HMGCLL1: variants seen among roughly 807,000 people sequenced by gnomAD.
HMGCLL1 encodes 3-hydroxymethyl-3-methylglutaryl-CoA lyase, cytoplasmic.
Under a neutral mutation model 39.1 loss-of-function variants are expected in HMGCLL1, and 36 were observed. The observed-to-expected ratio is 0.92, with a 90% confidence interval of 0.71 to 1.22. The LOEUF is 1.22. Ranked by LOEUF, HMGCLL1 falls within the 50% of genes most tolerant of loss-of-function variation. The pLI is 0.00. For missense variants in HMGCLL1, 451 were observed against 416.5 expected (o/e 1.08, Z -0.72); for synonymous variants, 149 against 144.0 (o/e 1.03, Z -0.25).
intron 7 of HMGCLL1, among the ~76,000 whole-genome samples, chr6:55,445,346 T>A (rs1202026194): frequency 6.6e-6 from 1 of 152,020 alleles, no homozygotes; most frequent in Non-Finnish European, 1.5e-5. Context: ...CTATGTATGT[T>A]TTCTTCACAT....
chr6:55,669,253 A>G, the HMGCLL1 span, among the ~76,000 whole-genome samples: 1 of 151,900 alleles, frequency 6.6e-6, no homozygotes, highest in Non-Finnish European at 1.5e-5. Context: ...TCCCACATGG[A>G]ACAGTGAATG....
intron 7 of HMGCLL1, among the ~76,000 whole-genome samples, chr6:55,449,527 C>T (rs1011566733): frequency 2.6e-5 from 4 of 152,122 alleles, no homozygotes; most frequent in East Asian, 1.9e-4. Flanking sequence ...TTATTCATTT[C>T]GAAGTGTGTT....
the HMGCLL1 span, among the ~76,000 whole-genome samples, chr6:55,594,832 G>A: frequency 6.6e-6 from 1 of 152,118 alleles, no homozygotes; most frequent in Admixed American, 6.6e-5. Context: ...TAGTCAGAGG[G>A]AAATACTTAA....
intron 7 of HMGCLL1, among the ~76,000 whole-genome samples, chr6:55,485,769 C>T (rs772604753): frequency 6.6e-6 from 1 of 151,738 alleles, no homozygotes. Context: ...AGTTGGCATA[C>T]ATTTTATATT....
rs181575729 is a variant in HMGCLL1 at position 55,553,399 on chromosome 6, C to T, written c.109-11259G>A. 1.3e-4 allele frequency among the ~76,000 whole-genome samples: 19 copies of T among 151,248 alleles called. No homozygotes were observed. In the East Asian group the frequency reaches 3.4e-3, roughly 27 times the overall value. On this transcript the variant is annotated intron_variant, in intron 1 of 8. Transcript: ENST00000274901. ...GTTGTGGTGAATCGAAATCAGGCCA[C>T]CAAACTCCAGCCTGGGTGACAGAAG...
At chr6:55,493,623 C>T (rs1267736668) in intron 7 of HMGCLL1, among the ~76,000 whole-genome samples, 1 of 152,132 alleles carries the variant, frequency 6.6e-6, no homozygotes, top group East Asian at 1.9e-4. Context: ...TTTGCTCAAA[C>T]GATGTTTCAT....
intron 3 of HMGCLL1, among the ~76,000 whole-genome samples, chr6:55,527,628 A>G (rs559907317): frequency 6.6e-6 from 1 of 152,202 alleles, no homozygotes; most frequent in East Asian, 1.9e-4. Context: ...ATAACAGATG[A>G]TGACACTGAT....
intron 8 of HMGCLL1, among the ~76,000 whole-genome samples, chr6:55,436,401 G>C (rs1763374773): frequency 6.6e-6 from 1 of 151,994 alleles, no homozygotes; most frequent in East Asian, 1.9e-4. Context: ...AAAAGCTCAG[G>C]TAAATCCATG....
the HMGCLL1 span, among the ~76,000 whole-genome samples, chr6:55,663,444 CAA>C: frequency 2.6e-5 from 4 of 151,852 alleles, no homozygotes; most frequent in Admixed American, 2.0e-4. Context: ...ATTATTTACC[CAA>C]AAGTCAATCA....
upstream of HMGCLL1, among the ~76,000 whole-genome samples, chr6:55,583,994 G>T (rs1032195644): frequency 6.6e-6 from 1 of 151,944 alleles, no homozygotes; most frequent in Non-Finnish European, 1.5e-5. Context: ...GAGACCAATG[G>T]TTCATGTTCA....
the HMGCLL1 span, among the ~76,000 whole-genome samples, chr6:55,674,616 T>C: frequency 6.6e-6 from 1 of 152,076 alleles, no homozygotes; most frequent in African/African-American, 2.4e-5. Flanking sequence ...TTGCTGAAAT[T>C]TCTGTCTTTA....
chr6:55,626,725 G>A, the HMGCLL1 span, among the ~76,000 whole-genome samples: 1 of 151,952 alleles, frequency 6.6e-6, no homozygotes, highest in Non-Finnish European at 1.5e-5. Flanking sequence ...ATTGCCATGA[G>A]GAGACACAAC....
At chr6:55,573,003 G>A (rs1250168838) in intron 1 of HMGCLL1, among the ~76,000 whole-genome samples, 1 of 152,166 alleles carries the variant, frequency 6.6e-6, no homozygotes, top group Non-Finnish European at 1.5e-5. Flanking sequence ...AAAACCATCA[G>A]ATCTTCCAGG....
the HMGCLL1 span, among the ~76,000 whole-genome samples, chr6:55,653,278 C>A: frequency 6.6e-6 from 1 of 151,968 alleles, no homozygotes; most frequent in Admixed American, 6.6e-5. Flanking sequence ...ATCCAGTAAT[C>A]TTCCTGTGAG....
intron 3 of HMGCLL1, among the ~76,000 whole-genome samples, chr6:55,526,571 T>C (rs530725473): frequency 6.6e-6 from 1 of 152,168 alleles, no homozygotes; most frequent in Admixed American, 6.6e-5. Context: ...TAGCCCTTTA[T>C]TCTAATTCGA....
At chr6:55,562,057 T>C (rs567930723) in intron 1 of HMGCLL1, among the ~76,000 whole-genome samples, 97 of 152,182 alleles carry the variant, frequency 6.4e-4, no homozygotes, top group African/African-American at 2.2e-3. Flanking sequence ...AAAGGAATAG[T>C]TAACAAACAG....
chr6:55,671,180 G>A, the HMGCLL1 span, among the ~76,000 whole-genome samples: 1 of 151,774 alleles, frequency 6.6e-6, no homozygotes, highest in East Asian at 1.9e-4. Context: ...TGAATAGGAT[G>A]AAATACCACT....
At chr6:55,638,394 C>T in the HMGCLL1 span, among the ~76,000 whole-genome samples, 8 of 121,394 alleles carry the variant, frequency 6.6e-5, no homozygotes, top group South Asian at 1.2e-3. Flanking sequence ...GCAACAAGAG[C>T]GAAACTCAGT....
At chr6:55,604,969 A>G in the HMGCLL1 span, among the ~76,000 whole-genome samples, 5 of 152,240 alleles carry the variant, frequency 3.3e-5, no homozygotes, top group African/African-American at 4.8e-5. Context: ...TGTAGTTTAC[A>G]TTATTTTATT....
Sources: allele counts gnomAD v4.1 joint callset (sites outside exome capture counted in the v4.1 genomes callset), GRCh38; gene constraint gnomAD v4.1.1; transcripts MANE v1.5; gene names NCBI Gene and HGNC (gene_info 2026-07-23, HGNC 2026-07-21).